Variants in PRICKLE2 observed in about 807,000 individuals in gnomAD.
PRICKLE2 encodes prickle planar cell polarity protein 2.
PRICKLE2 carries 21 observed loss-of-function variants against 81.4 expected under a neutral mutation model. That is an observed-to-expected ratio of 0.26 (90% CI 0.18 to 0.37). The LOEUF is 0.37. Among genes scored for constraint, PRICKLE2 ranks in the 10% least tolerant of loss-of-function variants. The probability of loss-of-function intolerance (pLI) is 1.00; values close to 1 mark genes in which losing one functional copy is unlikely to be tolerated. For missense variants in PRICKLE2, 940 were observed against 1,109.0 expected, an observed-to-expected ratio of 0.85 and a Z score of 2.16; for synonymous variants, 456 against 421.5, an observed-to-expected ratio of 1.08 and a Z score of -1.00.
At chr3:64,155,729 T>C (rs1219639310) in intron 5 of PRICKLE2, among the ~76,000 whole-genome samples, 3 of 152,334 alleles carry the variant, frequency 2.0e-5, no homozygotes, top group African/African-American at 4.8e-5. Flanking sequence ...TATACTACTA[T>C]ATGGATTAAC....
At position 64,146,619 on chromosome 3, in the gene PRICKLE2, T is replaced by G. The variant is rs2077457676; in HGVS notation, c.1660+211A>C. The G allele has an allele frequency of 1.1e-5, 6 of 559,250 alleles. No individual in the cohort carries two copies. The South Asian group carries it at 1.2e-4, about 12-fold the overall frequency. The allele number at this position is 559,250 out of a possible 1,614,324, so 34.6% of individuals were successfully genotyped here. On this transcript the variant is annotated intron_variant, in intron 7 of 7. Transcript: ENST00000638394. The stretch of plus-strand genomic sequence containing the variant: ...TTAGCCAGGCATGGTGGCGGGCACC[T>G]GTAGTCCCAACTACTCGTGAGGCTG...
chr3:64,245,056 A>G (rs1216981135), intron 2 of PRICKLE2, among the ~76,000 whole-genome samples: 1 of 152,200 alleles, frequency 6.6e-6, no homozygotes, highest in East Asian at 1.9e-4. Flanking sequence ...AATAGGGTAA[A>G]TTATTACTAA....
At chr3:64,124,788 T>C (rs1401592991) in intron 7 of PRICKLE2, among the ~76,000 whole-genome samples, 1 of 152,244 alleles carries the variant, frequency 6.6e-6, no homozygotes, top group Non-Finnish European at 1.5e-5. Flanking sequence ...TTATTGACAA[T>C]GCACTTGGTC....
Position 64,225,068 on chromosome 3 carries a change from G to T in PRICKLE2, c.-199C>A. On this transcript the variant is annotated 5_prime_UTR_variant, in exon 1 of 8. In the 5' UTR this introduces an upstream ATG that the reference lacks. Coordinates refer to ENST00000638394, the MANE Select transcript of PRICKLE2 (RefSeq NM_198859.4). ...ATCTTCTCCTCAAACCCCCTTTTCAGTCTGAACCCTTCCTGAAGCTGGCAA... is the reference window on the plus strand; with the variant it reads ...ATCTTCTCCTCAAACCCCCTTTTCATTCTGAACCCTTCCTGAAGCTGGCAA... The T allele has an allele frequency of 1.0e-6, 1 of 985,364 alleles. No individual in the cohort carries two copies. The allele number at this position is 985,364 out of a possible 1,614,324, so 61.0% of individuals were successfully genotyped here.
In PRICKLE2 at chr3:64,100,061, G is replaced by A. The variant is rs1180830041; in HGVS notation, c.1661-136C>T. On this transcript the variant is annotated intron_variant, in intron 7 of 7. Transcript: ENST00000638394. ...GTACTGCACAAAGGCCCTCTCAGGGGGCACATGTGCCTGTGAGGGGGTTCT... is the reference window on the plus strand; with the variant it reads ...GTACTGCACAAAGGCCCTCTCAGGGAGCACATGTGCCTGTGAGGGGGTTCT... The A allele has an allele frequency of 4.3e-6, 4 of 924,990 alleles. No individual in the cohort carries two copies. The African/African-American group carries it at 6.5e-5, about 15-fold the overall frequency. 57.3% of individuals were successfully genotyped at this position (924,990 alleles called of 1,614,324 possible). A position where few individuals can be genotyped will look rare whatever the true frequency, so the allele number is the denominator to read the frequency against.
intron 7 of PRICKLE2, among the ~76,000 whole-genome samples, chr3:64,103,675 G>T (rs1046428789): frequency 6.6e-6 from 1 of 152,164 alleles, no homozygotes; most frequent in African/African-American, 2.4e-5. Flanking sequence ...TCAATAAAAT[G>T]GAGTAAAAGT....
intron 6 of PRICKLE2, among the ~76,000 whole-genome samples, chr3:64,151,012 G>A (rs960737878): frequency 1.1e-4 from 16 of 152,134 alleles, no homozygotes; most frequent in Non-Finnish European, 2.4e-4. Context: ...TTCTTGGAGG[G>A]TGTGTGTGTC....
At chr3:64,194,020 G>A (rs2078401048) in intron 2 of PRICKLE2, among the ~76,000 whole-genome samples, 1 of 152,242 alleles carries the variant, frequency 6.6e-6, no homozygotes, top group African/African-American at 2.4e-5. Flanking sequence ...TGGTGGAATT[G>A]TGAGTGATTT....
At chr3:64,137,293 T>C (rs1477642247) in intron 7 of PRICKLE2, among the ~76,000 whole-genome samples, 3 of 152,110 alleles carry the variant, frequency 2.0e-5, no homozygotes, top group Non-Finnish European at 4.4e-5. Context: ...AATGAAATGT[T>C]CACACATTCT....
chr3:64,150,214 A>G (rs951147326), intron 6 of PRICKLE2, among the ~76,000 whole-genome samples: 1 of 152,052 alleles, frequency 6.6e-6, no homozygotes, highest in Non-Finnish European at 1.5e-5. Context: ...TCCCAGCTCC[A>G]TCCCACAGCA....
chr3:64,188,965 T>G (rs1046438688), intron 2 of PRICKLE2, among the ~76,000 whole-genome samples: 17 of 152,230 alleles, frequency 1.1e-4, no homozygotes, highest in African/African-American at 4.1e-4. Context: ...TGTCTTGTTA[T>G]TCAGCTATTA....
chr3:64,259,355 C>T (rs1276004694), intron 2 of PRICKLE2, among the ~76,000 whole-genome samples: 1 of 152,076 alleles, frequency 6.6e-6, no homozygotes, highest in Non-Finnish European at 1.5e-5. Context: ...ACAGGTATAT[C>T]CCACTAACAG....
intron 1 of PRICKLE2, among the ~76,000 whole-genome samples, chr3:64,215,797 A>G (rs1368139115): frequency 6.6e-6 from 1 of 152,242 alleles, no homozygotes; most frequent in Non-Finnish European, 1.5e-5. Context: ...ACAATGTACC[A>G]TAACTATAGT....
chr3:64,236,791 C>A (rs953260691), intron 2 of PRICKLE2, among the ~76,000 whole-genome samples: 1 of 152,184 alleles, frequency 6.6e-6, no homozygotes, highest in Non-Finnish European at 1.5e-5. Context: ...TCAGAAGCCT[C>A]CTCTGAAAAA....
chr3:64,220,757 C>T (rs1352557566), intron 1 of PRICKLE2, among the ~76,000 whole-genome samples: 1 of 152,104 alleles, frequency 6.6e-6, no homozygotes, highest in Non-Finnish European at 1.5e-5. Flanking sequence ...TTCTGTGCCC[C>T]CTGGAGTGTT....
At chr3:64,149,497 T>C (rs1174687103) in intron 6 of PRICKLE2, among the ~76,000 whole-genome samples, 1 of 152,200 alleles carries the variant, frequency 6.6e-6, no homozygotes, top group African/African-American at 2.4e-5. Flanking sequence ...GAGAGCCTGC[T>C]GGGAATATAG....
chr3:64,196,547 A>G (rs1229765613), intron 2 of PRICKLE2, among the ~76,000 whole-genome samples: 3 of 152,244 alleles, frequency 2.0e-5, no homozygotes, highest in Non-Finnish European at 4.4e-5. Flanking sequence ...TAATTATTTA[A>G]TAATAAAATC....
Position 64,201,478 on chromosome 3 carries a change from C to T in PRICKLE2, c.-40-2511G>A, listed in dbSNP as rs368557855. Among the ~76,000 whole-genome samples the T allele has an allele frequency of 8.5e-5, 13 of 152,254 alleles. No homozygotes were observed. In the South Asian group the frequency reaches 1.2e-3, roughly 15 times the overall value. On this transcript the variant is annotated intron_variant, in intron 1 of 7. Transcript: ENST00000638394. ...AGTATTTAATTGTGGTTTTGATTTG[C>T]ATTTCCCTAACGTCTAATGATGTTG...
chr3:64,103,647 T>G (rs2076703945), intron 7 of PRICKLE2: 1 of 152,198 alleles, frequency 6.6e-6, no homozygotes, highest in Admixed American at 6.5e-5. Flanking sequence ...GTTTGCTTTA[T>G]TCTGTGTAAA....
Sources: allele counts gnomAD v4.1 joint callset (sites outside exome capture counted in the v4.1 genomes callset), GRCh38; gene constraint gnomAD v4.1.1; transcripts MANE v1.5; gene names NCBI Gene and HGNC (gene_info 2026-07-23, HGNC 2026-07-21).